Variants in DOCK4 observed in about 807,000 individuals in gnomAD.
DOCK4 encodes dedicator of cytokinesis protein 4.
In DOCK4, 97 loss-of-function variants were observed where a neutral mutation model predicts 268.1. That is an observed-to-expected ratio of 0.36 (90% CI 0.31 to 0.43). The LOEUF (loss-of-function observed/expected upper bound fraction) is 0.43, where lower values mean the gene tolerates loss of function less well. DOCK4 is among the 20% of genes least tolerant of loss of function. The probability of loss-of-function intolerance (pLI) is 1.00; values close to 1 mark genes in which losing one functional copy is unlikely to be tolerated. For synonymous variants in DOCK4, 954 were observed against 887.2 expected (o/e 1.08, Z -1.34); for missense variants, 2,145 against 2,455.7 (o/e 0.87, Z 2.67).
At chr7:112,092,390 C>T (rs10273234) in intron 1 of DOCK4, among the ~76,000 whole-genome samples, 59,185 of 151,964 alleles carry the variant, frequency 0.39, 12,382 homozygotes, top group African/African-American at 0.49. Context: ...TTTACCAATA[C>T]TTCCTAATAG....
At chr7:112,026,062 A>C (rs1435311490) in intron 1 of DOCK4, among the ~76,000 whole-genome samples, 1 of 152,194 alleles carries the variant, frequency 6.6e-6, no homozygotes, top group Non-Finnish European at 1.5e-5. Flanking sequence ...TCTTAACACT[A>C]GTATATTATC....
rs553781921 is a variant in DOCK4 at position 112,004,268 on chromosome 7, T to C, written c.38-137A>G. On this transcript the variant is annotated intron_variant, in intron 1 of 52. Transcript: ENST00000428084. ...GGAACCCTCTGTCATATTTTAATTT[T>C]ATATCTTTCTAAGAAAATCACTAAG... is the stretch of plus-strand genomic sequence containing the variant. 6.0e-4 allele frequency: 375 copies of C among 627,444 alleles called. 2 individuals are homozygous for C. In the African/African-American group the frequency reaches 6.4e-3, roughly 11 times the overall value. The allele number at this position is 627,444 out of a possible 1,614,324, so 38.9% of individuals were successfully genotyped here.
intron 26 of DOCK4, among the ~76,000 whole-genome samples, chr7:111,826,628 G>A (rs769334291): frequency 3.9e-5 from 6 of 152,066 alleles, no homozygotes; most frequent in Non-Finnish European, 7.4e-5. Context: ...GAATTAACAT[G>A]GAAACAGAAA....
chr7:111,980,684 G>A (rs1798543121), intron 7 of DOCK4, among the ~76,000 whole-genome samples: 2 of 152,152 alleles, frequency 1.3e-5, no homozygotes, highest in African/African-American at 2.4e-5. Context: ...GATGCCAATA[G>A]TACCTCTCCT....
chr7:111,897,841 C>A (rs1042088240), intron 15 of DOCK4, among the ~76,000 whole-genome samples: 9 of 152,204 alleles, frequency 5.9e-5, no homozygotes, highest in Non-Finnish European at 1.2e-4. Context: ...GTTCCCCAAA[C>A]AGATTCTCCC....
At chr7:111,916,610 T>C (rs1293259039) in intron 12 of DOCK4, among the ~76,000 whole-genome samples, 1 of 152,122 alleles carries the variant, frequency 6.6e-6, no homozygotes, top group Non-Finnish European at 1.5e-5. Flanking sequence ...TAGCTGGATA[T>C]ACAGAAGATG....
chr7:111,895,024 T>C (rs1011047809), intron 16 of DOCK4, among the ~76,000 whole-genome samples: 1 of 152,324 alleles, frequency 6.6e-6, no homozygotes, highest in East Asian at 1.9e-4. Flanking sequence ...CACTTAAAAA[T>C]ACATTTTTTA....
At position 111,984,393 on chromosome 7, in the gene DOCK4, A is replaced by T; in HGVS notation, c.465-3T>A. 1 of 1,610,744 alleles carries T rather than the reference A, an allele frequency of 6.2e-7. No homozygotes were observed. The highest frequency in any genetic ancestry group is 8.5e-7 in the Non-Finnish European group (1 of 1,178,676). On this transcript the variant is annotated splice_polypyrimidine_tract_variant and splice_region_variant and intron_variant, in intron 6 of 52. Coordinates refer to ENST00000428084, the MANE Select transcript of DOCK4 (RefSeq NM_001363540.2). ...GCACCAGGTCCAGTCCCAGTTGTCT[A>T]GAAAACAAATTGCAAAAGTTTGGGG... is the stretch of plus-strand genomic sequence containing the variant.
At chr7:111,958,577 A>C (rs1023573071) in intron 8 of DOCK4, among the ~76,000 whole-genome samples, 6 of 152,190 alleles carry the variant, frequency 3.9e-5, no homozygotes, top group Non-Finnish European at 7.3e-5. Flanking sequence ...AAAATCCTGC[A>C]CTATTTAAGT....
At chr7:111,781,295 G>A (rs1798770692) in intron 35 of DOCK4, among the ~76,000 whole-genome samples, 1 of 152,192 alleles carries the variant, frequency 6.6e-6, no homozygotes, top group East Asian at 1.9e-4. Flanking sequence ...AGCTTATCAA[G>A]CACTTAGCTT....
At chr7:111,911,711 T>C (rs1792117069) in intron 13 of DOCK4, among the ~76,000 whole-genome samples, 1 of 152,134 alleles carries the variant, frequency 6.6e-6, no homozygotes, top group Non-Finnish European at 1.5e-5. Flanking sequence ...GCCAGTGAAG[T>C]GTCATCTTGC....
intron 1 of DOCK4, among the ~76,000 whole-genome samples, chr7:112,072,129 C>A (rs1030347793): frequency 6.6e-6 from 1 of 152,124 alleles, no homozygotes; most frequent in Non-Finnish European, 1.5e-5. Flanking sequence ...AAAAGAGCTT[C>A]CATATCCTTT....
chr7:111,951,483 C>A (rs1296671460), intron 8 of DOCK4, among the ~76,000 whole-genome samples: 1 of 151,852 alleles, frequency 6.6e-6, no homozygotes, highest in Non-Finnish European at 1.5e-5. Flanking sequence ...CAAAATGCAA[C>A]CCTCTCTTTG....
At chr7:111,875,063 C>T (rs1237916446) in intron 17 of DOCK4, among the ~76,000 whole-genome samples, 2 of 152,104 alleles carry the variant, frequency 1.3e-5, no homozygotes, top group Admixed American at 6.6e-5. Context: ...TCAGAAAGAC[C>T]AACTAACTTC....
chr7:111,854,560 T>A (rs1282955496), intron 23 of DOCK4, among the ~76,000 whole-genome samples: 1 of 152,188 alleles, frequency 6.6e-6, no homozygotes, highest in African/African-American at 2.4e-5. Flanking sequence ...TCTTGCTACA[T>A]TAGTAGAGAC....
rs575966880 is a variant in DOCK4 at position 111,871,468 on chromosome 7, C to A, written c.2027+522G>T. ...TAGCAGCTCCTATCAAAGAGTAGAT[C>A]CCAATGACTAAATTGCCTGAGGCCA... is the stretch of plus-strand genomic sequence containing the variant. On this transcript the variant is annotated intron_variant, in intron 20 of 52. Coordinates refer to ENST00000428084, the MANE Select transcript of DOCK4 (RefSeq NM_001363540.2). 3.3e-5 allele frequency among the ~76,000 whole-genome samples: 5 copies of A among 152,280 alleles called. No individual in the cohort carries two copies. The East Asian group carries it at 7.7e-4, about 23-fold the overall frequency.
chr7:112,115,340 G>T (rs143668647), intron 1 of DOCK4, among the ~76,000 whole-genome samples: 7 of 152,252 alleles, frequency 4.6e-5, no homozygotes, highest in South Asian at 2.1e-4. Context: ...CAGTTCAGAC[G>T]CAGTGAGTCC....
At chr7:112,066,184 T>C (rs1179387180) in intron 1 of DOCK4, among the ~76,000 whole-genome samples, 1 of 152,156 alleles carries the variant, frequency 6.6e-6, no homozygotes, top group Admixed American at 6.5e-5. Context: ...CCTCACCCAC[T>C]GTGGGTGGGC....
chr7:111,739,756 G>A, intron 47 of DOCK4: 1 of 434,944 alleles, frequency 2.3e-6, no homozygotes, highest in Non-Finnish European at 4.2e-6. Context: ...TGAGGTATAA[G>A]TAGAATGACT....
Sources: gnomAD v4.1 joint callset for allele counts (sites outside exome capture counted in the v4.1 genomes callset) on GRCh38, gnomAD v4.1.1 for gene constraint, MANE v1.5 for transcripts, NCBI Gene and HGNC (gene_info 2026-07-23, HGNC 2026-07-21) for gene names.